SYT9: variants seen among roughly 807,000 people sequenced by gnomAD.
SYT9 encodes synaptotagmin 9.
SYT9 carries 22 observed loss-of-function variants against 48.4 expected under a neutral mutation model. The observed-to-expected ratio is 0.45, with a 90% CI of 0.32 to 0.65. The LOEUF (loss-of-function observed/expected upper bound fraction) is 0.65. Ranked by LOEUF, SYT9 falls within the 30% of genes least tolerant of loss-of-function variation. The pLI is 0.03. For synonymous variants in SYT9, 265 were observed against 245.0 expected, an observed-to-expected ratio of 1.08 and a Z score of -0.76; for missense variants, 577 against 622.0, an observed-to-expected ratio of 0.93 and a Z score of 0.77.
chr11:7,243,147 A>G (rs534975959), intron 1 of SYT9, among the ~76,000 whole-genome samples: 1 of 152,314 alleles, frequency 6.6e-6, no homozygotes, highest in African/African-American at 2.4e-5. Context: ...AAATATATAT[A>G]GAGAAAAAAT....
At chr11:7,464,455 C>T (rs1848293327) in intron 6 of SYT9, among the ~76,000 whole-genome samples, 2 of 152,222 alleles carry the variant, frequency 1.3e-5, no homozygotes, top group African/African-American at 4.8e-5. Flanking sequence ...TAAATCTCAG[C>T]TCTGACACTT....
At chr11:7,323,314 A>G (rs973432523) in intron 3 of SYT9, among the ~76,000 whole-genome samples, 13 of 152,232 alleles carry the variant, frequency 8.5e-5, no homozygotes, top group East Asian at 5.8e-4. Context: ...TCTCTCTAAC[A>G]CTTGGACTTG....
At chr11:7,352,851 T>A (rs1486836177) in intron 3 of SYT9, among the ~76,000 whole-genome samples, 1 of 152,220 alleles carries the variant, frequency 6.6e-6, no homozygotes, top group African/African-American at 2.4e-5. Context: ...CTTGACTGCG[T>A]GCAGTGATCT....
chr11:7,431,337 G>A (rs995432327), intron 6 of SYT9, among the ~76,000 whole-genome samples: 2 of 152,240 alleles, frequency 1.3e-5, no homozygotes, highest in African/African-American at 4.8e-5. Flanking sequence ...CATTCCAGAT[G>A]TGGCCTGGCT....
chr11:7,247,682 G>GATATATATATATACATA (rs1564834941), upstream of SYT9, among the ~76,000 whole-genome samples: 4 of 142,712 alleles, frequency 2.8e-5, no homozygotes, highest in African/African-American at 1.1e-4. Flanking sequence ...GTATATATGT[G>GATATATATATATACATA]TGTATATATA....
Position 7,313,831 on chromosome 11 carries a change from A to G in SYT9, c.934A>G (p.Arg312Gly). Reference sequence around the variant, plus strand: ...TCACTTCTCTGTGTACGACTTTGACAGGTTCTCTCGTCATGACTTAATCGG... The same window carrying G: ...TCACTTCTCTGTGTACGACTTTGACGGGTTCTCTCGTCATGACTTAATCGG... ...KLHFSVYDFD[R>G]FSRHDLIGQV... Residue 312 changes from arginine (R) to glycine (G), a missense_variant, in exon 3 of 7, where the codon AGG becomes GGG. By Grantham distance (125) the Arg-to-Gly change is moderately radical. Coordinates refer to ENST00000318881, the MANE Select transcript of SYT9 (RefSeq NM_175733.4). 1 of 1,614,200 alleles carries G rather than the reference A, an allele frequency of 6.2e-7. No individual in the cohort carries two copies. Among genetic ancestry groups the G allele is most frequent in the African/African-American group, 1.3e-5 (1 of 75,062 alleles).
chr11:7,313,134 A>G (rs1849170978), intron 2 of SYT9, among the ~76,000 whole-genome samples: 1 of 152,226 alleles, frequency 6.6e-6, no homozygotes, highest in African/African-American at 2.4e-5. Flanking sequence ...TAGGAACTAT[A>G]TTAAACCTTT....
At chr11:7,356,874 T>C (rs1850031436) in intron 3 of SYT9, among the ~76,000 whole-genome samples, 1 of 152,212 alleles carries the variant, frequency 6.6e-6, no homozygotes, top group South Asian at 2.1e-4. Context: ...CACTGCTATG[T>C]TCCAGGTTCC....
intron 1 of SYT9, among the ~76,000 whole-genome samples, chr11:7,296,036 C>G (rs1168608711): frequency 6.6e-6 from 1 of 152,064 alleles, no homozygotes; most frequent in East Asian, 1.9e-4. Flanking sequence ...TATTTAGTAA[C>G]CAAGGTGATT....
chr11:7,243,466 C>T (rs1344775869), intron 1 of SYT9, among the ~76,000 whole-genome samples: 4 of 152,288 alleles, frequency 2.6e-5, no homozygotes, highest in South Asian at 2.1e-4. Context: ...CTCCCTCTTT[C>T]TCCCCCTTCT....
At chr11:7,291,695 A>AC (rs1848699374) in intron 1 of SYT9, among the ~76,000 whole-genome samples, 1 of 151,752 alleles carries the variant, frequency 6.6e-6, no homozygotes, top group African/African-American at 2.4e-5. Context: ...TCTGGGGAAA[A>AC]AAAAAAAAAT....
intron 6 of SYT9, among the ~76,000 whole-genome samples, chr11:7,442,986 C>CAG (rs146201164): frequency 1.1e-4 from 16 of 150,768 alleles, no homozygotes; most frequent in Middle Eastern, 3.4e-3. Context: ...GGGAGAAAAG[C>CAG]AGAGAGAGAG....
At chr11:7,372,575 C>T (rs1444841785) in intron 3 of SYT9, among the ~76,000 whole-genome samples, 1 of 152,092 alleles carries the variant, frequency 6.6e-6, no homozygotes, top group Non-Finnish European at 1.5e-5. Context: ...CTCTATGTTG[C>T]CCAGACTGGT....
At chr11:7,421,843 G>A (rs1302266800) in intron 6 of SYT9, among the ~76,000 whole-genome samples, 1 of 152,172 alleles carries the variant, frequency 6.6e-6, no homozygotes, top group Non-Finnish European at 1.5e-5. Flanking sequence ...TCTTCGAGAG[G>A]CACAAATACA....
intron 3 of SYT9, among the ~76,000 whole-genome samples, chr11:7,337,427 A>G (rs1208643227): frequency 6.6e-6 from 1 of 152,114 alleles, no homozygotes; most frequent in Non-Finnish European, 1.5e-5. Context: ...GAGAAAGGGT[A>G]TTCATGTCTT....
At chr11:7,409,673 G>C (rs771080103) in intron 3 of SYT9, among the ~76,000 whole-genome samples, 1 of 151,882 alleles carries the variant, frequency 6.6e-6, no homozygotes, top group Non-Finnish European at 1.5e-5. Flanking sequence ...ATTCATAATC[G>C]TGTGTGATGA....
At chr11:7,460,860 A>C (rs1848223191) in intron 6 of SYT9, among the ~76,000 whole-genome samples, 1 of 152,168 alleles carries the variant, frequency 6.6e-6, no homozygotes, top group African/African-American at 2.4e-5. Context: ...TACTCTTCTA[A>C]TTACTAGGAA....
intron 3 of SYT9, among the ~76,000 whole-genome samples, chr11:7,389,728 C>T (rs1190938189): frequency 2.0e-5 from 3 of 151,822 alleles, no homozygotes; most frequent in African/African-American, 4.8e-5. Context: ...AAGGACCAAG[C>T]GAGATCAGTG....
intron 2 of SYT9, among the ~76,000 whole-genome samples, chr11:7,310,845 C>T (rs1003844899): frequency 1.3e-5 from 2 of 152,154 alleles, no homozygotes; most frequent in Non-Finnish European, 2.9e-5. Context: ...AGTCTTTGAA[C>T]TACATCAACA....
Sources: allele counts gnomAD v4.1 joint callset (sites outside exome capture counted in the v4.1 genomes callset), GRCh38; gene constraint gnomAD v4.1.1; transcripts MANE v1.5; gene names NCBI Gene and HGNC (gene_info 2026-07-23, HGNC 2026-07-21).